The following TIAM1 variants were observed in gnomAD, a reference collection of about 807,000 sequenced individuals.
TIAM1 encodes TIAM Rac1 associated GEF 1, also known as rho guanine nucleotide exchange factor TIAM1.
TIAM1 carries 65 observed loss-of-function variants against 163.5 expected under a neutral mutation model. The ratio of observed to expected loss-of-function variants is 0.40; its 90% CI spans 0.33 to 0.49. The LOEUF is 0.49. Ranked by LOEUF, TIAM1 falls within the 20% of genes least tolerant of loss-of-function variation. The pLI is 0.77. For synonymous variants in TIAM1, 833 were observed against 810.1 expected, an observed-to-expected ratio of 1.03 and a Z score of -0.48; for missense variants, 1,789 against 2,044.7, an observed-to-expected ratio of 0.87 and a Z score of 2.41.
chr21:31,349,808 A>G (rs2076205203), intron 2 of TIAM1, among the ~76,000 whole-genome samples: 1 of 152,212 alleles, frequency 6.6e-6, no homozygotes, highest in African/African-American at 2.4e-5. Context: ...AGCGACAACC[A>G]GAAGAGTAAC....
At chr21:31,374,178 G>T (rs1415995744) in intron 2 of TIAM1, among the ~76,000 whole-genome samples, 7 of 152,056 alleles carry the variant, frequency 4.6e-5, no homozygotes, top group African/African-American at 1.5e-4. Flanking sequence ...TGTGAAGAAT[G>T]CCAACACCGA....
In TIAM1 at chr21:31,337,518, G is replaced by GTTGTTATTATTATTATTA. The variant is rs139117633; in HGVS notation, c.-189+1724_-189+1725insTAATAATAATAATAACAA. Reference sequence around the variant, plus strand: ...TGTTGTTTTTATTATTATTATTGTTGTTATTATTATTATTATTATTATTAT... The same window carrying GTTGTTATTATTATTATTA: ...TGTTGTTTTTATTATTATTATTGTTGTTGTTATTATTATTATTATTATTATTATTATTATTATTATTAT... On this transcript the variant is annotated intron_variant, in intron 2 of 27. Transcript: ENST00000541036. Among the ~76,000 whole-genome samples the GTTGTTATTATTATTATTA allele has an allele frequency of 4.8e-4, 70 of 147,270 alleles. 1 individual carries two copies. Among genetic ancestry groups the GTTGTTATTATTATTATTA allele is most frequent in the African/African-American group, 8.6e-4 (34 of 39,578 alleles).
chr21:31,464,049 A>AAAAC (rs1210305187), intron 1 of TIAM1: 1 of 152,208 alleles, frequency 6.6e-6, no homozygotes, highest in Non-Finnish European at 1.5e-5. Context: ...GAAGGTAAGA[A>AAAAC]AAACAAACAA....
At chr21:31,197,539 CTTTTTT>C (rs58141765) in intron 12 of TIAM1, among the ~76,000 whole-genome samples, 1 of 123,260 alleles carries the variant, frequency 8.1e-6, no homozygotes, top group Admixed American at 8.7e-5. Flanking sequence ...CCGCGCCCGG[CTTTTTT>C]TTTTTTTTTG....
At chr21:31,183,678 T>C (rs2085140984) in intron 14 of TIAM1, among the ~76,000 whole-genome samples, 1 of 152,018 alleles carries the variant, frequency 6.6e-6, no homozygotes, top group African/African-American at 2.4e-5. Flanking sequence ...TATTCAGGTT[T>C]CTAAAATATC....
In TIAM1 at chr21:31,210,706, A is replaced by C. The variant is rs549660229; in HGVS notation, c.2218-491T>G. ...AAGAAAAAGAAAGAAAGAAAGAAAG[A>C]GAAAGAAAGAGAAAGAAAGAAAGAG... On this transcript the variant is annotated intron_variant, in intron 10 of 27. Transcript: ENST00000541036. Among the ~76,000 whole-genome samples, 26 of 113,250 alleles carry C rather than the reference A, an allele frequency of 2.3e-4. 1 individual carries two copies. Among genetic ancestry groups the C allele is most frequent in the Middle Eastern group, 4.0e-3 (1 of 250 alleles). The allele number at this position is 113,250 out of a possible 152,430, so 74.3% of individuals were successfully genotyped here.
At chr21:31,342,524 C>T (rs2076052148) in intron 1 of TIAM1, among the ~76,000 whole-genome samples, 1 of 152,200 alleles carries the variant, frequency 6.6e-6, no homozygotes, top group Non-Finnish European at 1.5e-5. Flanking sequence ...ATGCAGTTCC[C>T]CTTTTTGTAG....
intron 4 of TIAM1, among the ~76,000 whole-genome samples, chr21:31,253,240 G>A (rs957138088): frequency 1.3e-5 from 2 of 152,206 alleles, no homozygotes; most frequent in Admixed American, 1.3e-4. Flanking sequence ...GGAAGAGAAC[G>A]GGAGGCTGAG....
chr21:31,130,315 C>T lies in TIAM1; in HGVS notation c.3943G>A (p.Val1315Ile). The T allele has an allele frequency of 6.2e-7, 1 of 1,613,204 alleles. No individual in the cohort carries two copies. Among genetic ancestry groups the T allele is most frequent in the South Asian group, 1.1e-5 (1 of 91,048 alleles). Residue 1315 changes from valine (V) to isoleucine (I), a missense_variant and splice_region_variant, in exon 25 of 28, where the codon GTA (valine) becomes ATA (isoleucine). By Grantham distance (29) the Val-to-Ile change is conservative (BLOSUM62 3). Transcript: ENST00000541036. ...TAAATGGAAAGCCTGTGAGATCCTA[C>T]CTGCAGAGGAGAAGGAACCAGCTGC... The part of the protein sequence containing the change: ...KDGSKQKKKL[V>I]GSHRLSIYED...
chr21:31,266,935 A>G lies in TIAM1; in HGVS notation c.38T>C (p.Phe13Ser). 1.2e-6 allele frequency: 2 copies of G among 1,610,326 alleles called. No homozygotes were observed. Among genetic ancestry groups the G allele is most frequent in the Non-Finnish European group, 1.7e-6 (2 of 1,177,256 alleles). ...NAESQHVEHEFYGEKHASLGR... is the reference protein window; with the variant it reads ...NAESQHVEHESYGEKHASLGR... ...CAGGCTGGCATGCTTTTCTCCATAA[A>G]ACTCGTGCTCTACATGTTGACTTTC... Residue 13 changes from phenylalanine (F) to serine (S), a missense_variant, in exon 4 of 28, where the codon TTT (phenylalanine) becomes TCT (serine). Around this residue, in one of 5 missense-constraint regions of TIAM1, gnomAD observed 555 missense variants for 564.9 expected, o/e 0.98. Coordinates refer to ENST00000541036, the MANE Select transcript of TIAM1 (RefSeq NM_001353694.2).
At position 31,131,053 on chromosome 21, in the gene TIAM1, TG is replaced by T. The variant is rs1298844621; in HGVS notation, c.3884-106del. 1.2e-5 allele frequency: 11 copies of T among 907,398 alleles called. No homozygotes were observed. The East Asian group carries it at 2.8e-4, about 23-fold the overall frequency. The allele number at this position is 907,398 out of a possible 1,614,324, so 56.2% of individuals were successfully genotyped here. Reference sequence around the variant, plus strand: ...AACACTACAGTTATGAAGAGGACGTTGAGATCCCAGTTAACTGACTCCCACC... The same window carrying T: ...AACACTACAGTTATGAAGAGGACGTTAGATCCCAGTTAACTGACTCCCACC... On this transcript the variant is annotated intron_variant, in intron 23 of 27. Transcript: ENST00000541036.
chr21:31,265,289 C>A (rs1339337287), intron 4 of TIAM1, among the ~76,000 whole-genome samples: 2 of 140,384 alleles, frequency 1.4e-5, no homozygotes, highest in African/African-American at 5.3e-5. Flanking sequence ...CCCACGGTTT[C>A]GTGCACTAGA....
intron 20 of TIAM1, among the ~76,000 whole-genome samples, chr21:31,143,729 CTT>C (rs545023367): frequency 4.2e-5 from 6 of 143,038 alleles, no homozygotes; most frequent in Admixed American, 7.0e-5. Flanking sequence ...ATTCTTCTGT[CTT>C]TTTTTTTTTT....
chr21:31,493,715 C>A (rs2046550165), intron 1 of TIAM1, among the ~76,000 whole-genome samples: 1 of 152,088 alleles, frequency 6.6e-6, no homozygotes, highest in Non-Finnish European at 1.5e-5. Context: ...CGGAGCTGTG[C>A]TTTAGAAATA....
At chr21:31,258,642 C>G (rs1456177556) in intron 4 of TIAM1, among the ~76,000 whole-genome samples, 1 of 152,026 alleles carries the variant, frequency 6.6e-6, no homozygotes, top group African/African-American at 2.4e-5. Flanking sequence ...CCATCCTGGC[C>G]AACACAGTGA....
rs995689673 is a variant in TIAM1, at chr21:31,366,578, A to C, written c.-368-27156T>G. On this transcript the variant is annotated intron_variant, in intron 2 of 28. Transcript: ENST00000286827. ...CTACAGGCTTTCTTTGCAATACTTA[A>C]GTTTCCAAGGAAGGCAGAGACTATT... is the stretch of plus-strand genomic sequence containing the variant. 1.5e-4 allele frequency among the ~76,000 whole-genome samples: 23 copies of C among 152,258 alleles called. No homozygotes were observed. The East Asian group carries it at 4.4e-3, about 29-fold the overall frequency.
At chr21:31,557,856 C>T (rs1017904403) in intron 1 of TIAM1, among the ~76,000 whole-genome samples, 78 of 152,106 alleles carry the variant, frequency 5.1e-4, no homozygotes, top group Non-Finnish European at 2.9e-5. Flanking sequence ...TGAGTGTGGC[C>T]GAGTCGGCGC....
At chr21:31,399,371 G>C (rs968355472) in intron 2 of TIAM1, among the ~76,000 whole-genome samples, 1 of 151,870 alleles carries the variant, frequency 6.6e-6, no homozygotes, top group Admixed American at 6.6e-5. Context: ...ATCTATTAAA[G>C]TTTTAAAAAT....
intron 2 of TIAM1, among the ~76,000 whole-genome samples, chr21:31,401,504 C>T (rs2077163705): frequency 6.6e-6 from 1 of 152,194 alleles, no homozygotes; most frequent in African/African-American, 2.4e-5. Flanking sequence ...ATCATTGCTT[C>T]CCAACAATCC....
Sources: gnomAD v4.1 joint callset for allele counts (sites outside exome capture counted in the v4.1 genomes callset) on GRCh38, gnomAD v4.1.1 for gene constraint, gnomAD v4.1.1 regional missense constraint, MANE v1.5 for transcripts, NCBI Gene and HGNC (gene_info 2026-07-23, HGNC 2026-07-21) for gene names.